The following TET3 variants were observed in gnomAD, a reference collection of about 807,000 sequenced individuals.
TET3 encodes the protein methylcytosine dioxygenase TET3.
Under a neutral mutation model 141.4 loss-of-function variants are expected in TET3, and 19 were observed. That is an observed-to-expected ratio of 0.13 (90% CI 0.09 to 0.20). The LOEUF (loss-of-function observed/expected upper bound fraction) is 0.20, where lower values mean the gene tolerates loss of function less well. Among genes scored for constraint, TET3 ranks in the 10% least tolerant of loss-of-function variants. TET3 has a pLI of 1.00. For missense variants in TET3, 1,874 were observed against 2,356.9 expected (o/e 0.80, Z 4.24); for synonymous variants, 1,043 against 980.9 (o/e 1.06, Z -1.18).
At chr2:74,030,759 A>T (rs1686636834) in intron 3 of TET3, among the ~76,000 whole-genome samples, 1 of 152,200 alleles carries the variant, frequency 6.6e-6, no homozygotes, top group Non-Finnish European at 1.5e-5. Flanking sequence ...AAGCAGAGGC[A>T]GGGGGCCAGT....
At chr2:74,064,923 A>C (rs941346258) in intron 4 of TET3, among the ~76,000 whole-genome samples, 1 of 152,222 alleles carries the variant, frequency 6.6e-6, no homozygotes, top group Non-Finnish European at 1.5e-5. Context: ...GTTTCAGAGA[A>C]GTCAACAGAT....
At chr2:74,092,045 T>A (rs920786838) in intron 8 of TET3, among the ~76,000 whole-genome samples, 1 of 152,264 alleles carries the variant, frequency 6.6e-6, no homozygotes, top group African/African-American at 2.4e-5. Context: ...GGCTCACGCC[T>A]GTAATCCTAG....
intron 7 of TET3, among the ~76,000 whole-genome samples, chr2:74,088,547 A>G (rs1296971970): frequency 6.6e-6 from 1 of 152,170 alleles, no homozygotes; most frequent in East Asian, 1.9e-4. Flanking sequence ...AGGCTGAGAC[A>G]GAAGAATCGC....
chr2:74,074,174 C>G (rs1239538000), intron 5 of TET3, among the ~76,000 whole-genome samples: 1 of 152,186 alleles, frequency 6.6e-6, no homozygotes, highest in African/African-American at 2.4e-5. Flanking sequence ...AGGAGTGTTT[C>G]ATAGCTTTCT....
the TET3 span, among the ~76,000 whole-genome samples, chr2:74,114,853 C>CAAAAAAAAAAAAAAAAAAAAAA: frequency 1.0e-3 from 46 of 43,860 alleles, 3 homozygotes; most frequent in African/African-American, 2.7e-3. Context: ...GACTCTGTCT[C>CAAAAAAAAAAAAAAAAAAAAAA]AAAAAAAAAA....
Position 74,106,700 on chromosome 2 carries a change from C to T in TET3, c.*4524C>T, listed in dbSNP as rs1272589175. On this transcript the variant is annotated 3_prime_UTR_variant, in exon 12 of 12. Transcript: ENST00000409262. ...TCCACAGAAGTTGATGTTTTAAAAA[C>T]TCACCAGGAAGCTCCATTTTGTGTC... The T allele has an allele frequency of 2.0e-5, 3 of 153,760 alleles. No homozygotes were observed. The highest frequency in any genetic ancestry group is 4.4e-5 in the Non-Finnish European group (3 of 68,040). 9.5% of individuals were successfully genotyped at this position (153,760 alleles called of 1,614,324 possible).
chr2:74,095,105 G>A (rs1213900380), intron 10 of TET3, among the ~76,000 whole-genome samples: 1 of 152,130 alleles, frequency 6.6e-6, no homozygotes, highest in African/African-American at 2.4e-5. Flanking sequence ...GCTTCCAGGG[G>A]CTGAGGACGA....
chr2:74,031,150 G>C (rs1438588041), intron 3 of TET3, among the ~76,000 whole-genome samples: 3 of 152,090 alleles, frequency 2.0e-5, no homozygotes, highest in Non-Finnish European at 4.4e-5. Flanking sequence ...CTTGATTGGA[G>C]GGGAGGCTTC....
chr2:73,985,506 G>C (rs1683973936), intron 1 of TET3, among the ~76,000 whole-genome samples: 1 of 145,654 alleles, frequency 6.9e-6, no homozygotes, highest in Non-Finnish European at 1.5e-5. Context: ...CTGGCGGGCT[G>C]CGCTCCGGCG....
intron 10 of TET3, among the ~76,000 whole-genome samples, chr2:74,095,963 T>C (rs1168015200): frequency 6.6e-6 from 1 of 152,380 alleles, no homozygotes; most frequent in South Asian, 2.1e-4. Flanking sequence ...GGGAAACATA[T>C]GATCTTATTT....
At position 74,104,260 on chromosome 2, in the gene TET3, G is replaced by A. The variant is rs1034562256; in HGVS notation, c.*2084G>A. On this transcript the variant is annotated 3_prime_UTR_variant, in exon 12 of 12. Coordinates refer to ENST00000409262, the MANE Select transcript of TET3 (RefSeq NM_001287491.2). ...TCTGTAAAGTTGCATTTATTTTACA[G>A]GACAAAAAAATGAAATATTATTGCT... The A allele has an allele frequency of 3.3e-5, 5 of 152,048 alleles. No homozygotes were observed. Among genetic ancestry groups the A allele is most frequent in the Non-Finnish European group, 7.4e-5 (5 of 68,010 alleles). The allele number at this position is 152,048 out of a possible 1,614,324, so 9.4% of individuals were successfully genotyped here.
chr2:74,024,437 C>G (rs1489735507), intron 3 of TET3, among the ~76,000 whole-genome samples: 2 of 152,074 alleles, frequency 1.3e-5, no homozygotes, highest in African/African-American at 2.4e-5. Flanking sequence ...TTTCTCCTGT[C>G]AGCCTTGCCT....
intron 4 of TET3, among the ~76,000 whole-genome samples, chr2:74,059,831 T>C (rs1195579103): frequency 6.6e-6 from 1 of 152,244 alleles, no homozygotes; most frequent in Admixed American, 6.5e-5. Flanking sequence ...CCCTGTGTTA[T>C]CTGTATGTAT....
intron 4 of TET3, among the ~76,000 whole-genome samples, chr2:74,060,999 C>G (rs1688487925): frequency 6.6e-6 from 1 of 152,194 alleles, no homozygotes; most frequent in African/African-American, 2.4e-5. Flanking sequence ...CCGCCACTGT[C>G]ATCATGGCCC....
rs975539418 is a variant in TET3 at position 74,102,368 on chromosome 2, C to T, written c.*192C>T. The stretch of plus-strand genomic sequence containing the variant: ...AACTGACCCGCCCCTCCCTTACCCC[C>T]ACTTCCCCAGCACTTTGAAGAAGAA... On this transcript the variant is annotated 3_prime_UTR_variant, in exon 12 of 12. Coordinates refer to ENST00000409262, the MANE Select transcript of TET3 (RefSeq NM_001287491.2). 3 of 823,282 alleles carry T rather than the reference C, an allele frequency of 3.6e-6. No individual in the cohort carries two copies. The highest frequency in any genetic ancestry group is 6.9e-5 in the East Asian group (2 of 28,864). The allele number at this position is 823,282 out of a possible 1,614,324, so 51.0% of individuals were successfully genotyped here. A position where few individuals can be genotyped will look rare whatever the true frequency, so the allele number is the denominator to read the frequency against.
chr2:74,113,601 A>AT, the TET3 span, among the ~76,000 whole-genome samples: 2 of 152,118 alleles, frequency 1.3e-5, no homozygotes, highest in Admixed American at 6.6e-5. Flanking sequence ...AAGTTGCAGG[A>AT]TAAAAAAAAA....
intron 2 of TET3, among the ~76,000 whole-genome samples, chr2:74,001,284 T>C (rs1684836687): frequency 5.9e-5 from 9 of 152,134 alleles, no homozygotes; most frequent in Admixed American, 5.9e-4. Context: ...CAATTAGGCA[T>C]CTGTGGTGTA....
At chr2:74,001,514 G>C (rs191611501) in intron 2 of TET3, among the ~76,000 whole-genome samples, 26 of 152,322 alleles carry the variant, frequency 1.7e-4, no homozygotes, top group African/African-American at 5.1e-4. Flanking sequence ...GAGAGGCTAC[G>C]AGAGGTAAGT....
chr2:74,090,246 T>G (rs1558784888), intron 8 of TET3, among the ~76,000 whole-genome samples, 199 bp downstream of exon 8: 1 of 152,202 alleles, frequency 6.6e-6, no homozygotes, highest in Non-Finnish European at 1.5e-5. Flanking sequence ...AAATTAGACT[T>G]AGCAGTTACG....
Sources: gnomAD v4.1 joint callset for allele counts (sites outside exome capture counted in the v4.1 genomes callset) on GRCh38, gnomAD v4.1.1 for gene constraint, MANE v1.5 for transcripts, NCBI Gene and HGNC (gene_info 2026-07-23, HGNC 2026-07-21) for gene names.